Variants in TMEM132D observed in about 807,000 individuals in gnomAD.
TMEM132D encodes transmembrane protein 132D.
TMEM132D carries 21 observed loss-of-function variants against 62.3 expected under a neutral mutation model. The observed-to-expected ratio is 0.34, with a 90% CI of 0.24 to 0.49. TMEM132D has a LOEUF of 0.49. Among genes scored for constraint, TMEM132D ranks in the 20% least tolerant of loss-of-function variants. TMEM132D has a pLI of 0.99. For missense variants in TMEM132D, 1,346 were observed against 1,402.8 expected (o/e 0.96, Z 0.65); for synonymous variants, 621 against 575.6 (o/e 1.08, Z -1.13).
chr12:129,459,824 T>G (rs955698199), intron 3 of TMEM132D, among the ~76,000 whole-genome samples: 1 of 152,200 alleles, frequency 6.6e-6, no homozygotes, highest in Non-Finnish European at 1.5e-5. Context: ...AGGCAAACAC[T>G]GTAAAACACC....
chr12:129,555,142 T>G (rs1435097274), intron 2 of TMEM132D, among the ~76,000 whole-genome samples: 2 of 152,238 alleles, frequency 1.3e-5, no homozygotes, highest in Non-Finnish European at 2.9e-5. Flanking sequence ...TGCCTTCATT[T>G]CCACGTTGGA....
At chr12:129,874,394 A>C (rs1874346568) in intron 1 of TMEM132D, among the ~76,000 whole-genome samples, 1 of 152,120 alleles carries the variant, frequency 6.6e-6, no homozygotes, top group Admixed American at 6.6e-5. Context: ...TGGGTGACAG[A>C]GCGAGACTCT....
chr12:129,558,753 G>C (rs1192584543), intron 2 of TMEM132D, among the ~76,000 whole-genome samples: 1 of 152,174 alleles, frequency 6.6e-6, no homozygotes, highest in East Asian at 1.9e-4. Flanking sequence ...CTAAGGAGAC[G>C]GGTCCATGGA....
intron 2 of TMEM132D, among the ~76,000 whole-genome samples, chr12:129,559,047 T>G (rs1049965704): frequency 1.2e-4 from 19 of 152,198 alleles, no homozygotes; most frequent in African/African-American, 4.1e-4. Context: ...ATCCAGTCAT[T>G]AGAGTAATCC....
At chr12:129,221,939 G>A (rs920663505) in intron 4 of TMEM132D, among the ~76,000 whole-genome samples, 1 of 152,094 alleles carries the variant, frequency 6.6e-6, no homozygotes, top group Admixed American at 6.5e-5. Context: ...ATGCTGTGTT[G>A]CTATAAATAA....
chr12:129,226,328 A>G (rs1393111816), intron 4 of TMEM132D, among the ~76,000 whole-genome samples: 1 of 152,256 alleles, frequency 6.6e-6, no homozygotes, highest in Non-Finnish European at 1.5e-5. Context: ...GCCTGTGGGC[A>G]TGGGCCTTGA....
chr12:129,083,840 G>A (rs1431901974), intron 6 of TMEM132D, among the ~76,000 whole-genome samples: 1 of 152,164 alleles, frequency 6.6e-6, no homozygotes, highest in Admixed American at 6.5e-5. Flanking sequence ...CTCTTTACAT[G>A]GTACTCATGT....
At position 129,235,657 on chromosome 12, in the gene TMEM132D, A is replaced by G. The variant is rs575444781; in HGVS notation, c.1300-25994T>C. ...GGATATTATAAATAATGCTGATTTGAATACTCAACCTATACGTTTCTGTGC... is the reference window on the plus strand; with the variant it reads ...GGATATTATAAATAATGCTGATTTGGATACTCAACCTATACGTTTCTGTGC... On this transcript the variant is annotated intron_variant, in intron 4 of 8. Transcript: ENST00000422113. Among the ~76,000 whole-genome samples, 7 of 152,176 alleles carry G rather than the reference A, an allele frequency of 4.6e-5. No individual in the cohort carries two copies. In the South Asian group the frequency reaches 1.4e-3, roughly 32 times the overall value.
intron 1 of TMEM132D, among the ~76,000 whole-genome samples, chr12:129,744,554 C>T (rs1869714887): frequency 6.6e-6 from 1 of 152,182 alleles, no homozygotes; most frequent in Non-Finnish European, 1.5e-5. Flanking sequence ...TCATCAAGCT[C>T]TCCAGGCTTC....
At chr12:129,458,970 T>C (rs1873569320) in intron 3 of TMEM132D, among the ~76,000 whole-genome samples, 1 of 152,170 alleles carries the variant, frequency 6.6e-6, no homozygotes, top group Admixed American at 6.5e-5. Flanking sequence ...TTTTCTCAAT[T>C]ACCAAGAAAA....
chr12:129,729,002 A>G (rs1869129576), intron 1 of TMEM132D, among the ~76,000 whole-genome samples: 1 of 152,190 alleles, frequency 6.6e-6, no homozygotes, highest in Non-Finnish European at 1.5e-5. Context: ...TAATGCCAGT[A>G]TTTATAAAAC....
intron 1 of TMEM132D, among the ~76,000 whole-genome samples, chr12:129,704,939 T>C (rs971192335): frequency 3.9e-5 from 6 of 152,224 alleles, no homozygotes; most frequent in Non-Finnish European, 7.3e-5. Context: ...TTTGTTGTTT[T>C]GTAAGGAAAT....
chr12:129,241,278 A>G (rs1051556963), intron 4 of TMEM132D, among the ~76,000 whole-genome samples: 4 of 152,184 alleles, frequency 2.6e-5, no homozygotes, highest in African/African-American at 9.7e-5. Flanking sequence ...CAAGGGATTA[A>G]TTACAAAAAT....
At chr12:129,501,372 A>G (rs1020842303) in intron 3 of TMEM132D, among the ~76,000 whole-genome samples, 2 of 151,986 alleles carry the variant, frequency 1.3e-5, no homozygotes, top group African/African-American at 4.8e-5. Context: ...TCTCTTTTGA[A>G]AAAAAAAATC....
chr12:129,864,133 C>T (rs148411248), intron 1 of TMEM132D, among the ~76,000 whole-genome samples: 38 of 152,250 alleles, frequency 2.5e-4, no homozygotes, highest in Admixed American at 7.8e-4. Flanking sequence ...GGGAAGCCAG[C>T]GCCATCTTGT....
chr12:129,891,763 T>C (rs1042097323), intron 1 of TMEM132D, among the ~76,000 whole-genome samples: 10 of 152,222 alleles, frequency 6.6e-5, no homozygotes, highest in Non-Finnish European at 1.5e-4. Context: ...ATACAGACAT[T>C]AAATTTATAC....
At chr12:129,161,557 T>C (rs1384313854) in intron 5 of TMEM132D, among the ~76,000 whole-genome samples, 3 of 152,214 alleles carry the variant, frequency 2.0e-5, no homozygotes, top group Non-Finnish European at 1.5e-5. Flanking sequence ...TAAAGTAATT[T>C]CCTAAATCTA....
At chr12:129,544,509 T>C (rs1348562227) in intron 2 of TMEM132D, among the ~76,000 whole-genome samples, 1 of 152,248 alleles carries the variant, frequency 6.6e-6, no homozygotes, top group African/African-American at 2.4e-5. Flanking sequence ...ATCCACTTGC[T>C]TTTATTAGTC....
At chr12:129,216,894 G>A (rs1374983137) in intron 4 of TMEM132D, among the ~76,000 whole-genome samples, 2 of 152,204 alleles carry the variant, frequency 1.3e-5, no homozygotes, top group African/African-American at 2.4e-5. Flanking sequence ...CAACCTGAAA[G>A]GGGACCGCCT....
Sources: allele counts gnomAD v4.1 joint callset (sites outside exome capture counted in the v4.1 genomes callset), GRCh38; gene constraint gnomAD v4.1.1; transcripts MANE v1.5; gene names NCBI Gene and HGNC (gene_info 2026-07-23, HGNC 2026-07-21).